PBX3: variants seen among roughly 807,000 people sequenced by gnomAD.
PBX3 encodes pre-B-cell leukemia transcription factor 3.
In PBX3, 14 loss-of-function variants were observed where a neutral mutation model predicts 48.5. That is an observed-to-expected ratio of 0.29 (90% CI 0.19 to 0.45). The LOEUF (loss-of-function observed/expected upper bound fraction) is 0.45. Among genes scored for constraint, PBX3 ranks in the 20% least tolerant of loss-of-function variants. PBX3 has a pLI of 1.00. For synonymous variants in PBX3, 210 were observed against 200.3 expected (o/e 1.05, Z -0.41); for missense variants, 386 against 546.7 (o/e 0.71, Z 2.93).
chr9:125,818,833 TGA>T (rs1838558106), intron 2 of PBX3, among the ~76,000 whole-genome samples: 2 of 151,916 alleles, frequency 1.3e-5, no homozygotes, highest in Admixed American at 6.6e-5. Flanking sequence ...ATGATGATGA[TGA>T]TGATTATTAT....
chr9:125,864,473 G>A (rs1394859873), intron 2 of PBX3, among the ~76,000 whole-genome samples: 1 of 152,084 alleles, frequency 6.6e-6, no homozygotes, highest in Non-Finnish European at 1.5e-5. Context: ...TTATTACATT[G>A]TAATATATAA....
chr9:125,799,691 A>G (rs1021610545), intron 2 of PBX3, among the ~76,000 whole-genome samples: 1 of 152,218 alleles, frequency 6.6e-6, no homozygotes, highest in Non-Finnish European at 1.5e-5. Flanking sequence ...TGTAGAGCAG[A>G]TTCAGCATTA....
chr9:125,826,868 T>C (rs985600025), intron 2 of PBX3, among the ~76,000 whole-genome samples: 3 of 152,220 alleles, frequency 2.0e-5, no homozygotes, highest in Non-Finnish European at 4.4e-5. Flanking sequence ...ATTATTTCTC[T>C]GTGTTTGGTA....
At chr9:125,764,514 C>G (rs908731581) in intron 2 of PBX3, among the ~76,000 whole-genome samples, 1 of 152,088 alleles carries the variant, frequency 6.6e-6, no homozygotes, top group Non-Finnish European at 1.5e-5. Flanking sequence ...TCATATTTTG[C>G]TAACGGATAA....
rs564634712 is a variant in PBX3 at position 125,824,941 on chromosome 9, C to T, written c.274+76318C>T. ...CTCTATGATTTAGGCCACTGATTCT[C>T]GGACTTTTTGTTTTCAGGATCTCTT... is the stretch of plus-strand genomic sequence containing the variant. On this transcript the variant is annotated intron_variant, in intron 2 of 8. Coordinates refer to ENST00000373489, the MANE Select transcript of PBX3 (RefSeq NM_006195.6). Among the ~76,000 whole-genome samples, 186 of 152,152 alleles carry T rather than the reference C, an allele frequency of 1.2e-3. 1 individual carries two copies. Among genetic ancestry groups the T allele is most frequent in the African/African-American group, 4.0e-3 (166 of 41,504 alleles).
At chr9:125,868,706 C>G (rs914457616) in intron 2 of PBX3, among the ~76,000 whole-genome samples, 2 of 152,132 alleles carry the variant, frequency 1.3e-5, no homozygotes, top group Non-Finnish European at 2.9e-5. Context: ...TTGCCCATGG[C>G]CCCAGGTGAG....
chr9:125,953,231 C>A (rs754931677), intron 5 of PBX3, among the ~76,000 whole-genome samples: 1 of 152,018 alleles, frequency 6.6e-6, no homozygotes. Context: ...GACTGAGGGG[C>A]CAGCACTTTG....
Position 125,960,815 on chromosome 9 carries a change from C to T in PBX3, c.975C>T (p.Asn325=), listed in dbSNP as rs775539346. The change falls in exon 6 of 9, where the codon AAC becomes AAT. Residue 325 remains asparagine, a synonymous_variant. Coordinates refer to ENST00000373489, the MANE Select transcript of PBX3 (RefSeq NM_006195.6). ...ACGCAGTAGCAGCAGCTGTGCAGAA[C>T]AACCAGACCAATTCGCCCACCACAC... ...AAHAVAAAVQ[N]NQTNSPTTPN... The T allele has an allele frequency of 2.5e-6, 4 of 1,614,160 alleles. No homozygotes were observed. The highest frequency in any genetic ancestry group is 1.7e-5 in the Admixed American group (1 of 60,024).
chr9:125,865,909 A>T (rs1477820769), intron 2 of PBX3, among the ~76,000 whole-genome samples: 2 of 152,140 alleles, frequency 1.3e-5, no homozygotes, highest in African/African-American at 4.8e-5. Flanking sequence ...TGTCAGGACA[A>T]AGTGTGTTAT....
At chr9:125,820,210 T>G (rs1294401284) in intron 2 of PBX3, among the ~76,000 whole-genome samples, 1 of 152,196 alleles carries the variant, frequency 6.6e-6, no homozygotes, top group Non-Finnish European at 1.5e-5. Context: ...TACTCTGAAT[T>G]TTGACTTACT....
chr9:125,766,048 A>C (rs1836793992), intron 2 of PBX3, among the ~76,000 whole-genome samples: 1 of 152,136 alleles, frequency 6.6e-6, no homozygotes, highest in South Asian at 2.1e-4. Flanking sequence ...TGGGAGGACT[A>C]GTTTTATTTT....
chr9:125,964,096 CTG>C (rs1842483936), intron 8 of PBX3, among the ~76,000 whole-genome samples: 1 of 152,154 alleles, frequency 6.6e-6, no homozygotes. Flanking sequence ...AAATATGAAA[CTG>C]TGATTGCCTG....
rs558938933 is a variant in PBX3, at chr9:125,859,858, G to T, written c.275-55828G>T. Among the ~76,000 whole-genome samples the T allele has an allele frequency of 7.9e-5, 12 of 152,330 alleles. No individual in the cohort carries two copies. The South Asian group carries it at 1.7e-3, about 21-fold the overall frequency. ...AAGACAATGAAAATGTGTGTTATCA[G>T]TAAAGATAGGGTTGGTGAGCTCTTC... On this transcript the variant is annotated intron_variant, in intron 2 of 8. Coordinates refer to ENST00000373489, the MANE Select transcript of PBX3 (RefSeq NM_006195.6).
chr9:125,840,959 T>C (rs1588207788), intron 2 of PBX3, among the ~76,000 whole-genome samples: 2 of 152,142 alleles, frequency 1.3e-5, no homozygotes, highest in East Asian at 3.8e-4. Context: ...CTTACAGCTG[T>C]TTGATTTCTA....
chr9:125,747,955 C>T (rs550365073), intron 1 of PBX3, among the ~76,000 whole-genome samples: 7 of 151,922 alleles, frequency 4.6e-5, no homozygotes, highest in African/African-American at 1.2e-4. Context: ...AACCTCCCGC[C>T]CCGACCCCGT....
chr9:125,921,310 A>C (rs1161569353), intron 3 of PBX3, among the ~76,000 whole-genome samples: 1 of 152,154 alleles, frequency 6.6e-6, no homozygotes, highest in Non-Finnish European at 1.5e-5. Flanking sequence ...TGTTTTATTT[A>C]ATACATTTGA....
intron 2 of PBX3, among the ~76,000 whole-genome samples, chr9:125,771,512 T>C (rs1382486823): frequency 6.6e-6 from 1 of 152,174 alleles, no homozygotes; most frequent in Non-Finnish European, 1.5e-5. Context: ...AAGATTAATA[T>C]AAAATTCCCA....
At chr9:125,834,190 T>TATAC (rs1839050604) in intron 2 of PBX3, among the ~76,000 whole-genome samples, 1 of 152,112 alleles carries the variant, frequency 6.6e-6, no homozygotes, top group African/African-American at 2.4e-5. Context: ...TTATGAAGTA[T>TATAC]TGACTGAAGT....
chr9:125,804,641 G>A (rs1838064457), intron 2 of PBX3, among the ~76,000 whole-genome samples: 1 of 152,044 alleles, frequency 6.6e-6, no homozygotes, highest in Non-Finnish European at 1.5e-5. Context: ...TTAAGGAAAA[G>A]CGCAATAAAG....
Sources: allele counts gnomAD v4.1 joint callset (sites outside exome capture counted in the v4.1 genomes callset), GRCh38; gene constraint gnomAD v4.1.1; transcripts MANE v1.5; gene names NCBI Gene and HGNC (gene_info 2026-07-23, HGNC 2026-07-21).